The following CHEK1 variants were observed in gnomAD, a reference collection of about 807,000 sequenced individuals.
CHEK1 encodes the protein serine/threonine-protein kinase Chk1.
A neutral mutation model predicts 60.2 loss-of-function variants in CHEK1; 32 were observed. The observed-to-expected ratio is 0.53, with a 90% CI of 0.40 to 0.71. The LOEUF (loss-of-function observed/expected upper bound fraction) is 0.71, where lower values mean the gene tolerates loss of function less well. CHEK1 is among the 30% of genes least tolerant of loss of function. The probability of loss-of-function intolerance (pLI) is 0.00; values close to 1 mark genes in which losing one functional copy is unlikely to be tolerated. For missense variants in CHEK1, 399 were observed against 564.6 expected, an observed-to-expected ratio of 0.71 and a Z score of 2.97; for synonymous variants, 179 against 187.2, an observed-to-expected ratio of 0.96 and a Z score of 0.36.
At chr11:125,639,400 T>C (rs1941196045) in intron 8 of CHEK1, among the ~76,000 whole-genome samples, 1 of 149,504 alleles carries the variant, frequency 6.7e-6, no homozygotes. Context: ...TTTTTTTTTT[T>C]TTGAGACAGG....
At chr11:125,652,625 G>A (rs1941779509) in intron 11 of CHEK1, among the ~76,000 whole-genome samples, 1 of 152,142 alleles carries the variant, frequency 6.6e-6, no homozygotes, top group Non-Finnish European at 1.5e-5. Flanking sequence ...GGAGAAGAGA[G>A]ACTCTGGAAT....
At chr11:125,667,374 G>A (rs969313150) in intron 13 of CHEK1, among the ~76,000 whole-genome samples, 1 of 152,092 alleles carries the variant, frequency 6.6e-6, no homozygotes, top group South Asian at 2.1e-4. Context: ...CCTTGTAAAT[G>A]ATTCCTCTCT....
downstream of CHEK1, among the ~76,000 whole-genome samples, chr11:125,678,955 A>G (rs1337597607): frequency 1.1e-5 from 1 of 89,596 alleles, no homozygotes; most frequent in Non-Finnish European, 2.4e-5. Flanking sequence ...CTATTAAGGT[A>G]AAAAAAAAAA....
exon 14 of CHEK1, chr11:125,676,246 G>C: frequency 7.4e-7 from 1 of 1,357,824 alleles, no homozygotes; most frequent in Non-Finnish European, 1.0e-6. Flanking sequence ...ATAAAGTTCT[G>C]AATCTTCAAG....
intron 13 of CHEK1, among the ~76,000 whole-genome samples, chr11:125,673,653 G>T (rs1942325704): frequency 6.6e-6 from 1 of 152,146 alleles, no homozygotes; most frequent in African/African-American, 2.4e-5. Flanking sequence ...TATGCTAAGG[G>T]CATCTAAAAC....
chr11:125,640,515 C>T (rs962543770), intron 8 of CHEK1, among the ~76,000 whole-genome samples: 1 of 148,504 alleles, frequency 6.7e-6, no homozygotes, highest in East Asian at 2.0e-4. Context: ...GCACTCCAGC[C>T]TGGGCAACAG....
intron 11 of CHEK1, among the ~76,000 whole-genome samples, chr11:125,645,477 G>C (rs1033754838): frequency 1.3e-5 from 2 of 152,052 alleles, no homozygotes; most frequent in African/African-American, 4.8e-5. Context: ...AGACTAAAGA[G>C]GCCTGATAAC....
rs3731450 is a variant in CHEK1, at chr11:125,644,421, G to A, written c.1102-91G>A. ...AGAAAGAGAGGAGGGAGGCCTTCAT[G>A]CAAAATAATTTTAAGTCAGACTAAA... On this transcript the variant is annotated intron_variant, in intron 10 of 12. Coordinates refer to ENST00000438015, the MANE Select transcript of CHEK1 (RefSeq NM_001114122.3). 1,117 of 1,516,492 alleles carry A rather than the reference G, an allele frequency of 7.4e-4. 15 individuals carry two copies. In the East Asian group the frequency reaches 0.02, roughly 27 times the overall value. The allele number at this position is 1,516,492 out of a possible 1,614,324, so 93.9% of individuals were successfully genotyped here.
At chr11:125,644,424 A>G in intron 10 of CHEK1, 88 bp from the exon 11 acceptor site, 1 of 1,524,570 alleles carries the variant, frequency 6.6e-7, no homozygotes. Flanking sequence ...CCTTCATGCA[A>G]AATAATTTTA....
intron 6 of CHEK1, among the ~76,000 whole-genome samples, chr11:125,633,897 G>A (rs1442177790): frequency 1.3e-5 from 2 of 151,880 alleles, no homozygotes; most frequent in Non-Finnish European, 2.9e-5. Context: ...TGCCAACCTG[G>A]TCATGTTTTA....
chr11:125,627,503 G>C, intron 2 of CHEK1, 104 bp from the exon 3 acceptor site: 1 of 903,156 alleles, frequency 1.1e-6, no homozygotes. Context: ...CTCCTTTGTG[G>C]AAAAAGTAAT....
chr11:125,664,507 T>C (rs1038690785), intron 13 of CHEK1, among the ~76,000 whole-genome samples: 1 of 152,126 alleles, frequency 6.6e-6, no homozygotes, highest in African/African-American at 2.4e-5. Flanking sequence ...AGTACTGGGA[T>C]TACAGGTGTG....
intron 13 of CHEK1, among the ~76,000 whole-genome samples, chr11:125,668,083 G>A (rs1942130157): frequency 6.6e-6 from 1 of 152,116 alleles, no homozygotes; most frequent in Admixed American, 6.5e-5. Flanking sequence ...AGACAACCTG[G>A]TTTAGTTAAC....
At chr11:125,629,650 C>T (rs1940783636) in intron 5 of CHEK1, among the ~76,000 whole-genome samples, 190 bp downstream of exon 5, 1 of 152,064 alleles carries the variant, frequency 6.6e-6, no homozygotes, top group Admixed American at 6.6e-5. Flanking sequence ...TCACAAGTCT[C>T]ATTTTGCAAT....
chr11:125,630,622 T>C (rs1940827939), intron 5 of CHEK1, among the ~76,000 whole-genome samples: 1 of 152,134 alleles, frequency 6.6e-6, no homozygotes, highest in South Asian at 2.1e-4. Context: ...ATACATGCTT[T>C]TTTCTTATGT....
chr11:125,638,033 G>C (rs929101935), intron 8 of CHEK1, among the ~76,000 whole-genome samples: 2 of 152,220 alleles, frequency 1.3e-5, no homozygotes, highest in Admixed American at 1.3e-4. Context: ...TTTGTTGAGT[G>C]AGTGAACAGG....
At chr11:125,654,236 A>G (rs893947683) in intron 12 of CHEK1, among the ~76,000 whole-genome samples, 1 of 152,126 alleles carries the variant, frequency 6.6e-6, no homozygotes, top group African/African-American at 2.4e-5. Context: ...AGGCTGAAGC[A>G]GGAGAATCAT....
intron 11 of CHEK1, among the ~76,000 whole-genome samples, chr11:125,650,748 A>G (rs1941694692): frequency 1.3e-5 from 2 of 151,972 alleles, no homozygotes; most frequent in East Asian, 3.9e-4. Flanking sequence ...TTCTTATATA[A>G]TTTTTTAAAG....
rs142709399 is a variant in CHEK1, at chr11:125,646,629, A to G, written c.1233+1986A>G. On this transcript the variant is annotated intron_variant, in intron 11 of 12. Coordinates refer to ENST00000438015, the MANE Select transcript of CHEK1 (RefSeq NM_001114122.3). ...GTTCCAATTTCTCTACAACCTTGCC[A>G]ACACTTACTGCCTCCCCTTTTTGCT... Among the ~76,000 whole-genome samples, 566 of 152,266 alleles carry G rather than the reference A, an allele frequency of 3.7e-3. 2 individuals are homozygous for G. Among genetic ancestry groups the G allele is most frequent in the African/African-American group, 0.013 (540 of 41,562 alleles).
Sources: allele counts gnomAD v4.1 joint callset (sites outside exome capture counted in the v4.1 genomes callset), GRCh38; gene constraint gnomAD v4.1.1; transcripts MANE v1.5; gene names NCBI Gene and HGNC (gene_info 2026-07-23, HGNC 2026-07-21).